The following TM7SF3 variants were observed in gnomAD, a reference collection of about 807,000 sequenced individuals.
The protein encoded by TM7SF3 is transmembrane 7 superfamily member 3.
In TM7SF3, 60 loss-of-function variants were observed where a neutral mutation model predicts 65.5. That is an observed-to-expected ratio of 0.92 (90% confidence interval 0.74 to 1.14). TM7SF3 has a LOEUF of 1.14. Ranked by LOEUF, TM7SF3 falls within the 50% of genes most tolerant of loss-of-function variation. TM7SF3 has a pLI of 0.00. For missense variants in TM7SF3, 623 were observed against 684.8 expected, an observed-to-expected ratio of 0.91 and a Z score of 1.01; for synonymous variants, 264 against 259.6, an observed-to-expected ratio of 1.02 and a Z score of -0.16.
At chr12:26,986,006 T>G (rs1181569253) in intron 6 of TM7SF3, among the ~76,000 whole-genome samples, 4 of 150,450 alleles carry the variant, frequency 2.7e-5, no homozygotes, top group African/African-American at 9.8e-5. Flanking sequence ...TTGTTTTTTT[T>G]TTTAGTAGAG....
At chr12:27,010,906 A>C (rs1941220312) in intron 1 of TM7SF3, among the ~76,000 whole-genome samples, 1 of 152,214 alleles carries the variant, frequency 6.6e-6, no homozygotes, top group Non-Finnish European at 1.5e-5. Flanking sequence ...ATCAGATCCT[A>C]ATCTGGCAAC....
At chr12:27,013,460 C>A (rs937229734) in intron 1 of TM7SF3, among the ~76,000 whole-genome samples, 1 of 152,174 alleles carries the variant, frequency 6.6e-6, no homozygotes, top group Non-Finnish European at 1.5e-5. Flanking sequence ...TATACACATT[C>A]TATCTGTATG....
At position 27,007,456 on chromosome 12, in the gene TM7SF3, T is replaced by C. The variant is rs149334419; in HGVS notation, c.92-4066A>G. Among the ~76,000 whole-genome samples, 56 of 152,160 alleles carry C rather than the reference T, an allele frequency of 3.7e-4. 1 individual carries two copies. The highest frequency in any genetic ancestry group is 2.5e-4 in the Non-Finnish European group (17 of 68,002). On this transcript the variant is annotated intron_variant, in intron 1 of 11. Transcript: ENST00000343028. ...ATTTCTTAAATTTCTATAGTGACCA[T>C]AAGGTGTCCTTTTCATAAGAAATTA...
chr12:27,011,051 C>G (rs1339810439), intron 1 of TM7SF3, among the ~76,000 whole-genome samples: 1 of 152,142 alleles, frequency 6.6e-6, no homozygotes, highest in Non-Finnish European at 1.5e-5. Flanking sequence ...ACATTAAAAA[C>G]AAAAATGGTT....
intron 6 of TM7SF3, among the ~76,000 whole-genome samples, chr12:26,987,485 A>G (rs1312155439): frequency 6.6e-6 from 1 of 152,216 alleles, no homozygotes; most frequent in Non-Finnish European, 1.5e-5. Flanking sequence ...CATGAGCCAA[A>G]TCTGGAACAA....
intron 1 of TM7SF3, among the ~76,000 whole-genome samples, chr12:27,005,846 G>A (rs1941010646): frequency 6.6e-6 from 1 of 151,132 alleles, no homozygotes; most frequent in Admixed American, 6.6e-5. Flanking sequence ...CTGACACCTA[G>A]GTGGAGTGCA....
intron 1 of TM7SF3, 26 bp downstream of exon 1, chr12:27,014,052 G>T: frequency 6.5e-7 from 1 of 1,545,498 alleles, no homozygotes; most frequent in Non-Finnish European, 8.8e-7. Flanking sequence ...ACTTTGGGTT[G>T]CAGAAGCCAG....
rs781477855 is a variant in TM7SF3 at position 26,979,842 on chromosome 12, G to A, written c.1131C>T (p.Leu377=). The part of the protein sequence containing the change: ...WRFGILSICM[L]CVGLVLGFLI... ...GGAACCCCAGCACTAGTCCAACACA[G>A]AGCATGCAGATCGAGAGGATTCCAA... is the stretch of plus-strand genomic sequence containing the variant. The change falls in exon 9 of 12, where the codon CTC becomes CTT. Residue 377 remains leucine, a synonymous_variant. Coordinates refer to ENST00000343028, the MANE Select transcript of TM7SF3 (RefSeq NM_016551.3). 8.7e-6 allele frequency: 14 copies of A among 1,614,008 alleles called. No homozygotes were observed. Among genetic ancestry groups the A allele is most frequent in the Non-Finnish European group, 1.2e-5 (14 of 1,180,018 alleles).
chr12:26,984,083 G>A (rs915623631), intron 6 of TM7SF3, among the ~76,000 whole-genome samples: 5 of 152,182 alleles, frequency 3.3e-5, no homozygotes, highest in African/African-American at 1.2e-4. Flanking sequence ...AGAATTCACA[G>A]GGGATATAAT....
At chr12:26,998,234 G>A (rs1175627257) in intron 3 of TM7SF3, among the ~76,000 whole-genome samples, 1 of 152,126 alleles carries the variant, frequency 6.6e-6, no homozygotes, top group East Asian at 1.9e-4. Flanking sequence ...ACCAGAAACA[G>A]TGCCTGACAC....
intron 1 of TM7SF3, chr12:27,012,770 C>T (rs964732134): frequency 6.6e-6 from 3 of 455,050 alleles, no homozygotes; most frequent in African/African-American, 2.0e-5. Flanking sequence ...GAGGCCAAGG[C>T]GGGCAGATCA....
At chr12:26,996,437 T>A (rs1940600396) in intron 4 of TM7SF3, among the ~76,000 whole-genome samples, 1 of 152,240 alleles carries the variant, frequency 6.6e-6, no homozygotes, top group South Asian at 2.1e-4. Context: ...AAAGGATGTT[T>A]CAGGGCTACT....
intron 1 of TM7SF3, among the ~76,000 whole-genome samples, chr12:27,012,428 T>C (rs1042336864): frequency 6.6e-6 from 1 of 152,142 alleles, no homozygotes; most frequent in African/African-American, 2.4e-5. Context: ...GATCCTAGAA[T>C]TCAGTTTGCA....
At chr12:26,985,858 G>A (rs1940064802) in intron 6 of TM7SF3, among the ~76,000 whole-genome samples, 2 of 97,462 alleles carry the variant, frequency 2.1e-5, no homozygotes, top group East Asian at 7.2e-4. Context: ...CTGCCGCCCA[G>A]GCTAGAGTGC....
rs1939415874 is a variant in TM7SF3, at chr12:26,972,841, A to C, written c.*1124T>G. Among the ~76,000 whole-genome samples, 1 of 151,892 alleles carries C rather than the reference A, an allele frequency of 6.6e-6. No homozygotes were observed. The highest frequency in any genetic ancestry group is 2.4e-5 in the African/African-American group (1 of 41,346). On this transcript the variant is annotated 3_prime_UTR_variant, in exon 12 of 12. Coordinates refer to ENST00000343028, the MANE Select transcript of TM7SF3 (RefSeq NM_016551.3). ...GTTAAATTAAAGATCACCTGTTGAC[A>C]CTATTTGAAAAGGCCTTGAAAAAAA...
intron 9 of TM7SF3, among the ~76,000 whole-genome samples, chr12:26,977,489 C>T (rs944887859): frequency 6.6e-6 from 1 of 152,226 alleles, no homozygotes; most frequent in East Asian, 1.9e-4. Context: ...CATGGTGGCT[C>T]ACGCCTGTAA....
In TM7SF3 at chr12:26,973,432, C is replaced by T. The variant is rs1174789253; in HGVS notation, c.*533G>A. 1 of 152,432 alleles carries T rather than the reference C, an allele frequency of 6.6e-6. No individual in the cohort carries two copies. Among genetic ancestry groups the T allele is most frequent in the Non-Finnish European group, 1.5e-5 (1 of 68,244 alleles). 9.4% of individuals were successfully genotyped at this position (152,432 alleles called of 1,614,324 possible). Reference sequence around the variant, plus strand: ...TCAAGCGATACTCCCACCTTGGCTTCCCAGTATTGGGATTACAGGTGTGAG... The same window carrying T: ...TCAAGCGATACTCCCACCTTGGCTTTCCAGTATTGGGATTACAGGTGTGAG... On this transcript the variant is annotated 3_prime_UTR_variant, in exon 12 of 12. Coordinates refer to ENST00000343028, the MANE Select transcript of TM7SF3 (RefSeq NM_016551.3).
intron 2 of TM7SF3, among the ~76,000 whole-genome samples, chr12:27,002,627 A>T (rs569745012): frequency 6.6e-6 from 1 of 152,298 alleles, no homozygotes; most frequent in Non-Finnish European, 1.5e-5. Context: ...AGATTATATA[A>T]ATGGCAGACT....
chr12:26,995,193 A>C, intron 5 of TM7SF3, 44 bp downstream of exon 5: 1 of 1,579,628 alleles, frequency 6.3e-7, no homozygotes. Context: ...ACTCTGACAA[A>C]GGTGTCACAA....
Sources: allele counts gnomAD v4.1 joint callset (sites outside exome capture counted in the v4.1 genomes callset), GRCh38; gene constraint gnomAD v4.1.1; transcripts MANE v1.5; gene names NCBI Gene and HGNC (gene_info 2026-07-23, HGNC 2026-07-21).